PEAR1: variants seen among roughly 807,000 people sequenced by gnomAD.
PEAR1 encodes multiple EGF-like domains protein 12.
PEAR1 carries 113 observed loss-of-function variants against 131.2 expected under a neutral mutation model. The observed-to-expected ratio is 0.86, with a 90% confidence interval of 0.74 to 1.01. The LOEUF is 1.01. PEAR1 is among the 50% of genes least tolerant of loss of function. The probability of loss-of-function intolerance (pLI) is 0.00; values close to 1 mark genes in which losing one functional copy is unlikely to be tolerated. For synonymous variants in PEAR1, 565 were observed against 523.3 expected, an observed-to-expected ratio of 1.08 and a Z score of -1.09; for missense variants, 1,408 against 1,391.1, an observed-to-expected ratio of 1.01 and a Z score of -0.19.
At chr1:156,910,873 A>G in intron 15 of PEAR1, 130 bp downstream of exon 15, 1 of 1,315,138 alleles carries the variant, frequency 7.6e-7, no homozygotes. Flanking sequence ...TTTACTGGGC[A>G]CCACCTACAT....
chr1:156,898,748 C>G (rs1002664374), intron 1 of PEAR1, among the ~76,000 whole-genome samples: 5 of 152,148 alleles, frequency 3.3e-5, no homozygotes, highest in African/African-American at 1.2e-4. Flanking sequence ...CAAGCTAAGA[C>G]GCATGGCTTT....
chr1:156,898,222 C>G (rs1649349894), intron 1 of PEAR1, among the ~76,000 whole-genome samples: 2 of 152,178 alleles, frequency 1.3e-5, no homozygotes, highest in Admixed American at 1.3e-4. Flanking sequence ...ACTGGCAACA[C>G]CCTCTGGGAG....
At chr1:156,911,184 CTTCTTTCT>C (rs556818951) in intron 15 of PEAR1, among the ~76,000 whole-genome samples, 9 of 104,356 alleles carry the variant, frequency 8.6e-5, no homozygotes, top group Admixed American at 6.5e-4. Flanking sequence ...TCTTTTCTTT[CTTCTTTCT>C]TTCTTTCTTT....
intron 1 of PEAR1, among the ~76,000 whole-genome samples, chr1:156,900,360 C>A (rs111915540): frequency 3.9e-5 from 6 of 151,910 alleles, no homozygotes; most frequent in Non-Finnish European, 5.9e-5. Context: ...AGCTCCCCCA[C>A]CCCATAAGAG....
Position 156,908,254 on chromosome 1 carries a change from C to G in PEAR1, c.1029C>G (p.Asp343Glu). The G allele has an allele frequency of 6.3e-7, 1 of 1,596,948 alleles. No individual in the cohort carries two copies. The highest frequency in any genetic ancestry group is 8.5e-7 in the Non-Finnish European group (1 of 1,176,274). ...ACLCEHGFTG[D>E]RCTDRLCPDG... is the part of the protein sequence containing the mutation. ...TGTGCGAACACGGCTTCACTGGGGA[C>G]CGCTGCACGGATCGCCTCTGCCCCG... Residue 343 changes from aspartate (D) to glutamate (E), a missense_variant, in exon 9 of 23, where the codon GAC becomes GAG. By Grantham distance (45) the Asp-to-Glu change is conservative. Transcript: ENST00000292357. This position sits in a 1 kb window ranked among gnomAD's most constrained non-coding sequence, Gnocchi z 4.2.
Position 156,905,002 on chromosome 1 carries a change from C to T in PEAR1, c.206+150C>T, listed in dbSNP as rs992562175. ...CATTCTGCATGGTCTGTGTCGGGTACGTGTGTATGGGATGTATATGTGAAT... is the reference window on the plus strand; with the variant it reads ...CATTCTGCATGGTCTGTGTCGGGTATGTGTGTATGGGATGTATATGTGAAT... On this transcript the variant is annotated intron_variant, in intron 3 of 22. Transcript: ENST00000292357. 20 of 1,545,576 alleles carry T rather than the reference C, an allele frequency of 1.3e-5. No homozygotes were observed. In the East Asian group the frequency reaches 4.2e-4, roughly 32 times the overall value.
In PEAR1 at chr1:156,894,748, TGG is replaced by T. The variant is rs1196501424; in HGVS notation, c.-10+914_-10+915del. Among the ~76,000 whole-genome samples the T allele has an allele frequency of 5.3e-5, 8 of 152,144 alleles. No individual in the cohort carries two copies. The East Asian group carries it at 1.3e-3, about 26-fold the overall frequency. On this transcript the variant is annotated intron_variant, in intron 1 of 22. Coordinates refer to ENST00000292357, the MANE Select transcript of PEAR1 (RefSeq NM_001080471.3). ...CTGGCCTGTTATGAGTGGCCTCTCC[TGG>T]GGCTGGGCTGTGACCCTAGTCCCCG...
Position 156,913,248 on chromosome 1 carries a change from CG to C in PEAR1, c.2478del (p.Gln827SerfsTer93), listed in dbSNP as rs1558148793. The C allele has an allele frequency of 1.9e-6, 3 of 1,613,166 alleles. No individual in the cohort carries two copies. The highest frequency in any genetic ancestry group is 1.7e-6 in the Non-Finnish European group (2 of 1,179,526). On this transcript the variant is annotated frameshift_variant, in exon 19 of 23. Coordinates refer to ENST00000292357, the MANE Select transcript of PEAR1 (RefSeq NM_001080471.3). LOFTEE classifies it high-confidence loss of function. ...TCCAACCCCAGCTACCACACCCTGT[CG>C]CAGTGCTCCCCAAACCCCCCACCCC... ...YYSNPSYHTL[S>X]QCSPNPPPPN...
Position 156,911,110 on chromosome 1 carries a change from T to C in PEAR1, c.1951+367T>C, listed in dbSNP as rs1256877180. Among the ~76,000 whole-genome samples the C allele has an allele frequency of 1.6e-3, 156 of 99,624 alleles. 2 individuals carry two copies. Among genetic ancestry groups the C allele is most frequent in the African/African-American group, 3.1e-3 (54 of 17,638 alleles). The allele number at this position is 99,624 out of a possible 152,430, so 65.4% of individuals were successfully genotyped here. ...CTTTCTTTCCTTTCTTTCTTTCTTT[T>C]CTTTCTTCTTTCTTTCTTTCCTTTC... On this transcript the variant is annotated intron_variant, in intron 15 of 22. Coordinates refer to ENST00000292357, the MANE Select transcript of PEAR1 (RefSeq NM_001080471.3).
intron 4 of PEAR1, among the ~76,000 whole-genome samples, chr1:156,905,652 A>G (rs1411280075): frequency 6.6e-6 from 1 of 150,838 alleles, no homozygotes; most frequent in East Asian, 1.9e-4. Context: ...TGTGTCTCCC[A>G]CCCCATCTCT....
At chr1:156,895,101 C>T (rs1472044919) in intron 1 of PEAR1, among the ~76,000 whole-genome samples, 1 of 152,212 alleles carries the variant, frequency 6.6e-6, no homozygotes, top group Non-Finnish European at 1.5e-5. Flanking sequence ...GCAGGTGGGG[C>T]TGCCATCTCT....
In PEAR1 at chr1:156,912,510, A is replaced by G. The variant is rs1358214146; in HGVS notation, c.2097A>G (p.Thr699=). The change falls in exon 17 of 23, where the codon ACA becomes ACG. Residue 699 remains threonine (T), a synonymous_variant. Transcript: ENST00000292357. ...HHCLEGCPLG[T]FGANCSQPCQ... ...TCTCCCCAGGCTGCCCTCTGGGGAC[A>G]TTTGGTGCTAACTGCTCCCAGCCAT... The G allele has an allele frequency of 1.2e-6, 2 of 1,613,554 alleles. No homozygotes were observed. Among genetic ancestry groups the G allele is most frequent in the African/African-American group, 1.3e-5 (1 of 74,882 alleles).
chr1:156,903,237 A>T (rs1649864446), intron 1 of PEAR1, among the ~76,000 whole-genome samples: 1 of 152,130 alleles, frequency 6.6e-6, no homozygotes. Flanking sequence ...CACTCCCACC[A>T]TATAGAGCAG....
chr1:156,914,163 A>AT, intron 22 of PEAR1, 63 bp downstream of exon 22: 1 of 1,479,708 alleles, frequency 6.8e-7, no homozygotes, highest in Non-Finnish European at 9.0e-7. Flanking sequence ...GCAGAAAAAC[A>AT]GAAGGAACAG....
chr1:156,907,696 C>A lies in PEAR1; in HGVS notation c.731C>A (p.Pro244Gln). 6.2e-7 allele frequency: 1 copy of A among 1,613,630 alleles called. No individual in the cohort carries two copies. The change falls in exon 7 of 23, where the codon CCA (proline) becomes CAA (glutamine). Residue 244 changes from proline to glutamine, a missense_variant. Pro to Gln is a moderately conservative substitution (Grantham distance 76). Coordinates refer to ENST00000292357, the MANE Select transcript of PEAR1 (RefSeq NM_001080471.3). Reference sequence around the variant, plus strand: ...CAAAATGGAGGTGTCTTCCAAACCCCACAGGGCTCCTGCAGCTGCCCCCCT... The same window carrying A: ...CAAAATGGAGGTGTCTTCCAAACCCAACAGGGCTCCTGCAGCTGCCCCCCT... ...SCQNGGVFQT[P>Q]QGSCSCPPGW...
In PEAR1 at chr1:156,909,051, T is replaced by C. The variant is rs773761327; in HGVS notation, c.1411+15T>C. The C allele has an allele frequency of 2.5e-6, 4 of 1,612,464 alleles. No individual in the cohort carries two copies. The highest frequency in any genetic ancestry group is 2.2e-5 in the East Asian group (1 of 44,826). On this transcript the variant is annotated intron_variant, in intron 11 of 22. Coordinates refer to ENST00000292357, the MANE Select transcript of PEAR1 (RefSeq NM_001080471.3). ...CTGCAAGGAAGGTAATAGGGTGGAGTTTCCCAGAGAGAAGACTTGGGGGAT... is the reference window on the plus strand; with the variant it reads ...CTGCAAGGAAGGTAATAGGGTGGAGCTTCCCAGAGAGAAGACTTGGGGGAT...
At chr1:156,904,076 A>C (rs763948864) in intron 2 of PEAR1, 49 bp downstream of exon 2, 69 of 1,414,694 alleles carry the variant, frequency 4.9e-5, no homozygotes, top group Admixed American at 3.0e-4. Context: ...CTAGCTCCCG[A>C]TTGTCCCTAT....
At position 156,902,801 on chromosome 1, in the gene PEAR1, C is replaced by T. The variant is rs576154109; in HGVS notation, c.-9-1117C>T. 1.3e-5 allele frequency among the ~76,000 whole-genome samples: 2 copies of T among 152,226 alleles called. No individual in the cohort carries two copies. Among genetic ancestry groups the T allele is most frequent in the South Asian group, 2.1e-4 (1 of 4,828 alleles). ...AAGCCGGCTGCGGGGATGGGCACTG[C>T]GGTAACTCATCCTCTCCTGAGCTCA... On this transcript the variant is annotated intron_variant, in intron 1 of 22. Coordinates refer to ENST00000292357, the MANE Select transcript of PEAR1 (RefSeq NM_001080471.3). This position sits in a 1 kb window ranked among gnomAD's most constrained non-coding sequence, Gnocchi z 4.3.
At position 156,909,007 on chromosome 1, in the gene PEAR1, C is replaced by G. The variant is rs764158087; in HGVS notation, c.1382C>G (p.Pro461Arg). 6.2e-7 allele frequency: 1 copy of G among 1,614,094 alleles called. No homozygotes were observed. The highest frequency in any genetic ancestry group is 8.5e-7 in the Non-Finnish European group (1 of 1,180,024). The change falls in exon 11 of 23, where the codon CCC (proline) becomes CGC (arginine). Residue 461 changes from proline to arginine, a missense_variant. By Grantham distance (103) the Pro-to-Arg change is moderately radical. Coordinates refer to ENST00000292357, the MANE Select transcript of PEAR1 (RefSeq NM_001080471.3). The stretch of plus-strand genomic sequence containing the variant: ...TGTGAAAATGCCATCGCCTGCTCAC[C>G]CATCGACGGCGAGTGCGTCTGCAAG... ...CSCENAIACS[P>R]IDGECVCKEG...
Sources: allele counts gnomAD v4.1 joint callset (sites outside exome capture counted in the v4.1 genomes callset), GRCh38; gene constraint gnomAD v4.1.1; non-coding constraint Gnocchi (gnomAD v3.1); transcripts MANE v1.5; gene names NCBI Gene and HGNC (gene_info 2026-07-23, HGNC 2026-07-21).